The following TRABD2B variants were observed in gnomAD, a reference collection of about 807,000 sequenced individuals.
TRABD2B encodes TraB domain containing 2B, also known as metalloprotease TIKI2.
A neutral mutation model predicts 40.1 loss-of-function variants in TRABD2B; 14 were observed. The observed-to-expected ratio is 0.35, with a 90% CI of 0.23 to 0.55. The LOEUF (loss-of-function observed/expected upper bound fraction) is 0.55. TRABD2B is among the 20% of genes least tolerant of loss of function. TRABD2B has a pLI of 0.90. For synonymous variants in TRABD2B, 263 were observed against 277.0 expected, an observed-to-expected ratio of 0.95 and a Z score of 0.50; for missense variants, 541 against 648.6, an observed-to-expected ratio of 0.83 and a Z score of 1.80.
chr1:47,950,904 G>C (rs981183936), intron 2 of TRABD2B, among the ~76,000 whole-genome samples: 1 of 152,208 alleles, frequency 6.6e-6, no homozygotes, highest in African/African-American at 2.4e-5. Flanking sequence ...TGGTGGGAAG[G>C]GTACTGATGC....
At chr1:47,966,813 T>C (rs1222239935) in intron 2 of TRABD2B, among the ~76,000 whole-genome samples, 3 of 151,564 alleles carry the variant, frequency 2.0e-5, no homozygotes, top group Non-Finnish European at 2.9e-5. Flanking sequence ...GCTGATGCAG[T>C]AGGATCGCTT....
chr1:47,879,618 A>G (rs1048360629), intron 2 of TRABD2B, among the ~76,000 whole-genome samples: 1 of 152,270 alleles, frequency 6.6e-6, no homozygotes, highest in Non-Finnish European at 1.5e-5. Context: ...TAAGAAAGCA[A>G]TACATTGACA....
chr1:47,890,635 T>G (rs1644431925), intron 2 of TRABD2B, among the ~76,000 whole-genome samples: 1 of 152,212 alleles, frequency 6.6e-6, no homozygotes, highest in African/African-American at 2.4e-5. Context: ...ACAGACCTGA[T>G]GCTGCAGGCC....
intron 3 of TRABD2B, chr1:47,795,762 T>C (rs1422883599): frequency 2.3e-5 from 21 of 926,330 alleles, no homozygotes; most frequent in Non-Finnish European, 2.4e-5. Flanking sequence ...CAACTCCCCA[T>C]CCCTGCACCA....
intron 4 of TRABD2B, among the ~76,000 whole-genome samples, chr1:47,779,445 G>A (rs1644491146): frequency 6.6e-6 from 1 of 152,202 alleles, no homozygotes; most frequent in Admixed American, 6.5e-5. Flanking sequence ...TTCTGCACTA[G>A]GAACGATGAA....
At chr1:47,972,634 C>T (rs1176552773) in intron 2 of TRABD2B, among the ~76,000 whole-genome samples, 2 of 152,166 alleles carry the variant, frequency 1.3e-5, no homozygotes, top group African/African-American at 4.8e-5. Flanking sequence ...CTCAGACTTC[C>T]AGCCTCTAGA....
At chr1:47,989,629 A>T (rs1004950041) in intron 2 of TRABD2B, among the ~76,000 whole-genome samples, 1 of 152,106 alleles carries the variant, frequency 6.6e-6, no homozygotes, top group African/African-American at 2.4e-5. Flanking sequence ...TGTCTTTGAG[A>T]ACTCCTATTT....
At chr1:47,925,320 T>C (rs1211362180) in intron 2 of TRABD2B, among the ~76,000 whole-genome samples, 1 of 152,158 alleles carries the variant, frequency 6.6e-6, no homozygotes, top group East Asian at 1.9e-4. Context: ...TCAAAAAGTA[T>C]TAAGGAATTA....
Position 47,761,179 on chromosome 1 carries a change from T to G in TRABD2B, c.*4723A>C, listed in dbSNP as rs2124385863. The G allele has an allele frequency of 6.6e-6, 1 of 152,536 alleles. No individual in the cohort carries two copies. Among genetic ancestry groups the G allele is most frequent in the East Asian group, 1.9e-4 (1 of 5,194 alleles). 9.4% of individuals were successfully genotyped at this position (152,536 alleles called of 1,614,324 possible). On this transcript the variant is annotated 3_prime_UTR_variant, in exon 7 of 7. Coordinates refer to ENST00000606738, the MANE Select transcript of TRABD2B (RefSeq NM_001194986.2). ...TGAAGGCTCAGAGAGGGACAGGAAC[T>G]TGCCCAAGGTCATCCAGCAAAGTGA...
At chr1:47,811,861 G>A (rs970524450) in intron 2 of TRABD2B, among the ~76,000 whole-genome samples, 7 of 152,218 alleles carry the variant, frequency 4.6e-5, no homozygotes, top group African/African-American at 1.7e-4. Context: ...CCTAGCTCTG[G>A]AAGACCTATT....
intron 2 of TRABD2B, among the ~76,000 whole-genome samples, chr1:47,988,137 G>A (rs1478707458): frequency 1.3e-5 from 2 of 152,150 alleles, no homozygotes; most frequent in Admixed American, 6.5e-5. Context: ...GAGGGCTGGA[G>A]GACTCAAGGA....
At chr1:47,910,016 C>A in intron 2 of TRABD2B, among the ~76,000 whole-genome samples, 1 of 151,444 alleles carries the variant, frequency 6.6e-6, no homozygotes, top group Non-Finnish European at 1.5e-5. Flanking sequence ...CGTGCCACCA[C>A]GCCTGGCTGA....
intron 2 of TRABD2B, chr1:47,819,780 A>G (rs1380661762): frequency 6.6e-6 from 1 of 152,214 alleles, no homozygotes; most frequent in Non-Finnish European, 1.5e-5. Flanking sequence ...CTGAGCACGT[A>G]TTCGGGCTGA....
chr1:47,981,435 C>T (rs1645839641), intron 2 of TRABD2B, among the ~76,000 whole-genome samples: 1 of 152,190 alleles, frequency 6.6e-6, no homozygotes, highest in African/African-American at 2.4e-5. Context: ...AAGTGAATTA[C>T]CGCTCTGTGA....
At chr1:47,815,307 T>C (rs895658539) in intron 2 of TRABD2B, among the ~76,000 whole-genome samples, 2 of 152,208 alleles carry the variant, frequency 1.3e-5, no homozygotes, top group Non-Finnish European at 2.9e-5. Flanking sequence ...GGCCTCCTTG[T>C]TGTGCAGGTC....
rs1050795669 is a variant in TRABD2B at position 47,765,983 on chromosome 1, C to T, written c.1473G>A (p.Ser491=). 1.6e-5 allele frequency: 11 copies of T among 701,960 alleles called. No homozygotes were observed. Among genetic ancestry groups the T allele is most frequent in the Admixed American group, 6.0e-5 (3 of 49,932 alleles). 43.5% of individuals were successfully genotyped at this position (701,960 alleles called of 1,614,324 possible). A position where few individuals can be genotyped will look rare whatever the true frequency, so the allele number is the denominator to read the frequency against. The change falls in exon 7 of 7, where the codon TCG becomes TCA. Residue 491 remains serine, a synonymous_variant. Transcript: ENST00000606738. ...QQDPPGPASS[S]APTLGLLPAI... is the part of the protein sequence containing the mutation. The stretch of plus-strand genomic sequence containing the variant: ...CGGGGAGAAGGCCCAGGGTGGGTGC[C>T]GAGCTGCTGGCGGGCCCTGGCGGGT...
intron 2 of TRABD2B, among the ~76,000 whole-genome samples, chr1:47,803,446 G>C (rs563456322): frequency 6.6e-6 from 1 of 152,290 alleles, no homozygotes; most frequent in African/African-American, 2.4e-5. Context: ...TGGATGATGA[G>C]AGACATGTGG....
Position 47,996,981 on chromosome 1 carries a change from TG to T in TRABD2B, c.-193del, listed in dbSNP as rs1646102781. 1 of 1,096,974 alleles carries T rather than the reference TG, an allele frequency of 9.1e-7. No homozygotes were observed. The highest frequency in any genetic ancestry group is 1.1e-6 in the Non-Finnish European group (1 of 903,466). The allele number at this position is 1,096,974 out of a possible 1,614,324, so 68.0% of individuals were successfully genotyped here. ...TTCTCTGGGGCCGGGCTCCGTCTGTTGGAAGAGGGAGACCCTCTAGGGCTGG... is the reference window on the plus strand; with the variant it reads ...TTCTCTGGGGCCGGGCTCCGTCTGTTGAAGAGGGAGACCCTCTAGGGCTGG... On this transcript the variant is annotated 5_prime_UTR_variant, in exon 1 of 7. Coordinates refer to ENST00000606738, the MANE Select transcript of TRABD2B (RefSeq NM_001194986.2). This position sits in a 1 kb window ranked among gnomAD's most constrained non-coding sequence, Gnocchi z 4.6.
chr1:47,909,440 GA>G (rs1266279415), intron 2 of TRABD2B, among the ~76,000 whole-genome samples: 4 of 147,176 alleles, frequency 2.7e-5, no homozygotes, highest in Non-Finnish European at 4.5e-5. Flanking sequence ...GAGAGAGAGA[GA>G]AGAAGAAGAA....
Sources: allele counts gnomAD v4.1 joint callset (sites outside exome capture counted in the v4.1 genomes callset), GRCh38; gene constraint gnomAD v4.1.1; non-coding constraint Gnocchi (gnomAD v3.1); transcripts MANE v1.5; gene names NCBI Gene and HGNC (gene_info 2026-07-23, HGNC 2026-07-21).